RIMS1: variants seen among roughly 807,000 people sequenced by gnomAD.
The protein encoded by RIMS1 is regulating synaptic membrane exocytosis 1, also known as regulating synaptic membrane exocytosis protein 1.
In RIMS1, 83 loss-of-function variants were observed where a neutral mutation model predicts 214.1. The ratio of observed to expected loss-of-function variants is 0.39; its 90% CI spans 0.32 to 0.47. The LOEUF (loss-of-function observed/expected upper bound fraction) is 0.47. Among genes scored for constraint, RIMS1 ranks in the 20% least tolerant of loss-of-function variants. The pLI is 0.99. For synonymous variants in RIMS1, 793 were observed against 786.8 expected, an observed-to-expected ratio of 1.01 and a Z score of -0.13; for missense variants, 2,050 against 2,161.8, an observed-to-expected ratio of 0.95 and a Z score of 1.03.
At chr6:72,293,638 G>A (rs1436331804) in intron 26 of RIMS1, among the ~76,000 whole-genome samples, 3 of 151,770 alleles carry the variant, frequency 2.0e-5, no homozygotes, top group South Asian at 2.1e-4. Context: ...CATTTTATGG[G>A]TTCAAAAGCA....
At chr6:72,066,541 T>G (rs1285299806) in intron 2 of RIMS1, among the ~76,000 whole-genome samples, 4 of 152,194 alleles carry the variant, frequency 2.6e-5, no homozygotes, top group Non-Finnish European at 5.9e-5. Flanking sequence ...TTTCTTCTTT[T>G]GTTTTCTTTA....
intron 4 of RIMS1, among the ~76,000 whole-genome samples, chr6:72,133,074 T>C (rs761659714): frequency 5.3e-5 from 8 of 152,202 alleles, no homozygotes; most frequent in Non-Finnish European, 1.2e-4. Context: ...TTGAGAATGC[T>C]GTCTGAAAAA....
intron 2 of RIMS1, among the ~76,000 whole-genome samples, chr6:72,078,004 T>C (rs1016764575): frequency 6.6e-6 from 1 of 152,182 alleles, no homozygotes; most frequent in African/African-American, 2.4e-5. Flanking sequence ...CCTTGCCTCA[T>C]GCCTCTACGC....
At position 72,290,688 on chromosome 6, in the gene RIMS1, A is replaced by C. The variant is rs1592166411; in HGVS notation, c.3564A>C (p.Pro1188=). 6.2e-7 allele frequency: 1 copy of C among 1,613,424 alleles called. No homozygotes were observed. The highest frequency in any genetic ancestry group is 1.3e-5 in the African/African-American group (1 of 75,028). The stretch of plus-strand genomic sequence containing the variant: ...GGCCCTAATGTTTTAGGGTTCTCCC[A>C]ACATGTCTTTCTAGAAGGGGACACG... ...GTASDAERVL[P]TCLSRRGHAA... is the part of the protein sequence containing the mutation. The change falls in exon 25 of 34, where the codon CCA becomes CCC. Residue 1188 remains proline (P), a synonymous_variant. Coordinates refer to ENST00000521978, the MANE Select transcript of RIMS1 (RefSeq NM_014989.7).
intron 30 of RIMS1, 76 bp from the exon 31 acceptor site, chr6:72,392,622 C>T: frequency 2.1e-6 from 2 of 972,904 alleles, no homozygotes; most frequent in Middle Eastern, 4.7e-4. Context: ...CATAATTAGT[C>T]AAGTGGAAAC....
chr6:72,274,281 A>C, intron 22 of RIMS1, 68 bp from the exon 23 acceptor site: 1 of 1,090,930 alleles, frequency 9.2e-7, no homozygotes, highest in East Asian at 2.5e-5. Flanking sequence ...CTCTTGTTCC[A>C]TGTATTCTTT....
intron 4 of RIMS1, among the ~76,000 whole-genome samples, chr6:72,112,772 T>C (rs1483026297): frequency 2.0e-5 from 3 of 152,212 alleles, no homozygotes; most frequent in Non-Finnish European, 2.9e-5. Flanking sequence ...TGTTTGATTT[T>C]TCTCCACAGT....
At chr6:72,033,615 G>A (rs1434579669) in intron 2 of RIMS1, among the ~76,000 whole-genome samples, 1 of 151,982 alleles carries the variant, frequency 6.6e-6, no homozygotes, top group South Asian at 2.1e-4. Flanking sequence ...CCGAGTAGCT[G>A]GAATTACAGG....
At position 72,182,345 on chromosome 6, in the gene RIMS1, C is replaced by G; in HGVS notation, c.874C>G (p.Arg292Gly). The part of the protein sequence containing the change: ...GKGALKSERK[R>G]VPKTSAQPVE... ...AGGAGCCCTGAAGAGCGAGCGGAAACGCGTGCCAAAGACCTCAGCGCAGCC... is the reference window on the plus strand; with the variant it reads ...AGGAGCCCTGAAGAGCGAGCGGAAAGGCGTGCCAAAGACCTCAGCGCAGCC... Residue 292 changes from arginine to glycine, a missense_variant, in exon 6 of 34, where the codon CGC (arginine) becomes GGC (glycine). By Grantham distance (125) the Arg-to-Gly change is moderately radical. Around this residue, in one of 6 missense-constraint regions of RIMS1, gnomAD observed 882 missense variants for 828.9 expected, o/e 1.06. Transcript: ENST00000521978. 1 of 1,612,922 alleles carries G rather than the reference C, an allele frequency of 6.2e-7. No homozygotes were observed. The highest frequency in any genetic ancestry group is 8.5e-7 in the Non-Finnish European group (1 of 1,179,378).
Position 72,154,106 on chromosome 6 carries a change from C to T in RIMS1, c.472-25469C>T, listed in dbSNP as rs576697210. On this transcript the variant is annotated intron_variant, in intron 4 of 33. Coordinates refer to ENST00000521978, the MANE Select transcript of RIMS1 (RefSeq NM_014989.7). ...GGAAAGAAAAAAAAATACACACACGCACGCACTCACACAGACAAGATATAA... is the reference window on the plus strand; with the variant it reads ...GGAAAGAAAAAAAAATACACACACGTACGCACTCACACAGACAAGATATAA... Among the ~76,000 whole-genome samples the T allele has an allele frequency of 1.7e-3, 252 of 152,174 alleles. 1 individual carries two copies. The highest frequency in any genetic ancestry group is 2.7e-3 in the Non-Finnish European group (183 of 67,998).
At chr6:72,013,191 C>A (rs996472018) in intron 2 of RIMS1, among the ~76,000 whole-genome samples, 1 of 151,952 alleles carries the variant, frequency 6.6e-6, no homozygotes, top group Non-Finnish European at 1.5e-5. Context: ...TAGAGAATGC[C>A]CAGAAAATAA....
At chr6:72,179,042 C>CT (rs1476577398) in intron 4 of RIMS1, among the ~76,000 whole-genome samples, 6 of 151,922 alleles carry the variant, frequency 3.9e-5, no homozygotes, top group Non-Finnish European at 8.8e-5. Context: ...ACACATTGAC[C>CT]TTTTTTGTGT....
In RIMS1 at chr6:71,937,046, G is replaced by A. The variant is rs1384353627; in HGVS notation, c.165-31937G>A. On this transcript the variant is annotated intron_variant, in intron 1 of 33. Transcript: ENST00000521978. ...TCTTTGGTCTCACCAGCTGATGGTCGGTGCTTTCCTTTTAGCCAGTGTAAC... is the reference window on the plus strand; with the variant it reads ...TCTTTGGTCTCACCAGCTGATGGTCAGTGCTTTCCTTTTAGCCAGTGTAAC... 4.6e-5 allele frequency among the ~76,000 whole-genome samples: 7 copies of A among 152,140 alleles called. No individual in the cohort carries two copies. In the East Asian group the frequency reaches 1.2e-3, roughly 25 times the overall value.
In RIMS1 at chr6:72,099,949, C is replaced by G. The variant is rs769505748; in HGVS notation, c.460-26C>G. 10 of 1,596,764 alleles carry G rather than the reference C, an allele frequency of 6.3e-6. No individual in the cohort carries two copies. In the South Asian group the frequency reaches 1.1e-4, roughly 18 times the overall value. On this transcript the variant is annotated intron_variant, in intron 3 of 33. Transcript: ENST00000521978. ...CTTTTCTTTGTCTTCTTTCTCTACT[C>G]TGCTTCCTTGGATGCTTTCCCAAAG...
At chr6:72,035,917 G>A (rs1163358616) in intron 2 of RIMS1, among the ~76,000 whole-genome samples, 1 of 151,952 alleles carries the variant, frequency 6.6e-6, no homozygotes, top group Admixed American at 6.6e-5. Flanking sequence ...GAATAGAAAG[G>A]TACTTTAAAA....
chr6:71,887,153 A>T lies in RIMS1; in HGVS notation c.130A>T (p.Lys44Ter). 6.2e-7 allele frequency: 1 copy of T among 1,612,246 alleles called. No individual in the cohort carries two copies. Among genetic ancestry groups the T allele is most frequent in the Non-Finnish European group, 8.5e-7 (1 of 1,179,174 alleles). Residue 44 changes from lysine (K) to a stop codon, truncating the protein, a stop_gained, in exon 1 of 34, where the codon AAG (lysine) becomes TAG (stop). Transcript: ENST00000521978. LOFTEE classifies it high-confidence loss of function. ...NIIMAVMDRQ[K>*]EEEEKEEAML... ...TATCATGGCAGTGATGGACCGGCAGAAGGAAGAGGAGGAAAAAGAAGAAGC... is the reference window on the plus strand; with the variant it reads ...TATCATGGCAGTGATGGACCGGCAGTAGGAAGAGGAGGAAAAAGAAGAAGC...
intron 1 of RIMS1, among the ~76,000 whole-genome samples, chr6:71,956,093 A>AT (rs1034275407): frequency 2.0e-5 from 3 of 151,226 alleles, no homozygotes; most frequent in South Asian, 2.1e-4. Flanking sequence ...TTGCCTAAAA[A>AT]ATATATATAT....
chr6:72,014,264 G>A (rs936883497), intron 2 of RIMS1, among the ~76,000 whole-genome samples: 3 of 152,152 alleles, frequency 2.0e-5, no homozygotes, highest in African/African-American at 7.2e-5. Context: ...TAGGAGAACA[G>A]CATGGCAGAA....
intron 6 of RIMS1, among the ~76,000 whole-genome samples, chr6:72,188,837 C>G (rs529485443): frequency 6.6e-6 from 1 of 152,216 alleles, no homozygotes; most frequent in South Asian, 2.1e-4. Flanking sequence ...GCATACTTTT[C>G]CTTACCTCCA....
Sources: gnomAD v4.1 joint callset for allele counts (sites outside exome capture counted in the v4.1 genomes callset) on GRCh38, gnomAD v4.1.1 for gene constraint, gnomAD v4.1.1 regional missense constraint, MANE v1.5 for transcripts, NCBI Gene and HGNC (gene_info 2026-07-23, HGNC 2026-07-21) for gene names.